GTF2IRD2B: variants seen among roughly 807,000 people sequenced by gnomAD.
GTF2IRD2B encodes the protein GTF2I repeat domain containing 2B.
Under a neutral mutation model 55.6 loss-of-function variants are expected in GTF2IRD2B, and 10 were observed. That is an observed-to-expected ratio of 0.18 (90% CI 0.11 to 0.31). The LOEUF is 0.31. GTF2IRD2B is among the 10% of genes least tolerant of loss of function. The pLI, the probability that GTF2IRD2B is intolerant of heterozygous loss-of-function variation, is 1.00. For synonymous variants in GTF2IRD2B, 107 were observed against 320.5 expected (o/e 0.33, Z 7.12); for missense variants, 206 against 802.7 (o/e 0.26, Z 8.98).
intron 1 of GTF2IRD2B, among the ~76,000 whole-genome samples, chr7:75,105,851 G>C (rs1193650503): frequency 6.6e-5 from 10 of 152,414 alleles, no homozygotes; most frequent in Non-Finnish European, 1.0e-4. Context: ...GTTATGCGTT[G>C]GCTGTGAGTC....
chr7:75,105,471 T>A (rs1272726375), intron 1 of GTF2IRD2B, among the ~76,000 whole-genome samples: 1 of 152,306 alleles, frequency 6.6e-6, no homozygotes, highest in African/African-American at 2.4e-5. Context: ...GCCACTGCAC[T>A]CTAGCCTGGG....
rs1159887977 is a variant in GTF2IRD2B, at chr7:75,132,548, CTTT to C, written c.671-564_671-562del. Among the ~76,000 whole-genome samples, 150 of 85,136 alleles carry C rather than the reference CTTT, an allele frequency of 1.8e-3. No individual in the cohort carries two copies. The East Asian group carries it at 0.018, about 10-fold the overall frequency. The allele number at this position is 85,136 out of a possible 152,430, so 55.9% of individuals were successfully genotyped here. A position where few individuals can be genotyped will look rare whatever the true frequency, so the allele number is the denominator to read the frequency against. ...TTCCTTCATCCTCCTCTCCTTCCTT[CTTT>C]TTTTTTTTTTTTTTTTTTTTTTGAG... On this transcript the variant is annotated intron_variant, in intron 8 of 15. Coordinates refer to ENST00000472837, the MANE Select transcript of GTF2IRD2B (RefSeq NM_001003795.3).
intron 2 of GTF2IRD2B, among the ~76,000 whole-genome samples, chr7:75,109,434 G>A: frequency 7.2e-6 from 1 of 139,812 alleles, no homozygotes; most frequent in African/African-American, 2.5e-5. Context: ...CGCCTCCCGG[G>A]TTCAAGCAAT....
At chr7:75,102,584 A>G (rs1337352592) in intron 1 of GTF2IRD2B, among the ~76,000 whole-genome samples, 2 of 151,458 alleles carry the variant, frequency 1.3e-5, no homozygotes, top group African/African-American at 2.4e-5. Flanking sequence ...GCTTGAGTCC[A>G]GGAGTTGGAG....
At chr7:75,104,399 G>A (rs1554421489) in intron 1 of GTF2IRD2B, among the ~76,000 whole-genome samples, 12 of 152,258 alleles carry the variant, frequency 7.9e-5, no homozygotes, top group East Asian at 3.9e-4. Flanking sequence ...GATTATAGGC[G>A]TGAGCCACCA....
intron 15 of GTF2IRD2B, among the ~76,000 whole-genome samples, chr7:75,147,374 A>C (rs1809177810): frequency 1.3e-5 from 2 of 151,872 alleles, no homozygotes; most frequent in Non-Finnish European, 2.9e-5. Flanking sequence ...CAGAAGTTGC[A>C]GTGAGCCGAG....
intron 1 of GTF2IRD2B, among the ~76,000 whole-genome samples, chr7:75,093,540 C>T (rs1320293040): frequency 6.6e-6 from 1 of 152,268 alleles, no homozygotes; most frequent in East Asian, 1.9e-4. Context: ...ACCCCAACCC[C>T]ATTAGGCCGT....
At chr7:75,101,222 A>C (rs1402905063) in intron 1 of GTF2IRD2B, among the ~76,000 whole-genome samples, 1 of 140,834 alleles carries the variant, frequency 7.1e-6, no homozygotes, top group African/African-American at 2.6e-5. Context: ...AAATATGATA[A>C]AAACTGTTTT....
In GTF2IRD2B at chr7:75,119,820, G is replaced by A. The variant is rs1197840052; in HGVS notation, c.239-1071G>A. Among the ~76,000 whole-genome samples the A allele has an allele frequency of 5.5e-4, 53 of 96,418 alleles. 8 individuals are homozygous for A. The highest frequency in any genetic ancestry group is 1.4e-3 in the African/African-American group (28 of 20,236). The allele number at this position is 96,418 out of a possible 152,430, so 63.3% of individuals were successfully genotyped here. On this transcript the variant is annotated intron_variant, in intron 3 of 15. Transcript: ENST00000472837. ...AACCCCAGACTTCACCAACAACACC[G>A]TATATCCATGCAAGAAAACTATACT...
At chr7:75,123,092 A>G (rs1402072536) in intron 4 of GTF2IRD2B, 44 bp from the exon 5 acceptor site, 2 of 1,557,718 alleles carry the variant, frequency 1.3e-6, no homozygotes, top group East Asian at 4.5e-5. Flanking sequence ...AACTGGTAGA[A>G]CGTTAGGTTC....
chr7:75,119,979 C>A (rs1554536738), intron 3 of GTF2IRD2B, among the ~76,000 whole-genome samples: 1,561 of 128,532 alleles, frequency 0.012, 49 homozygotes, highest in African/African-American at 0.055. Flanking sequence ...AATACAAAAA[C>A]TTAGCCGGGC....
intron 3 of GTF2IRD2B, among the ~76,000 whole-genome samples, chr7:75,115,774 A>T (rs199590945): frequency 1.5e-5 from 2 of 132,802 alleles, no homozygotes; most frequent in African/African-American, 5.7e-5. Context: ...TGTACGAGAA[A>T]TGCCCTTGAG....
intron 3 of GTF2IRD2B, among the ~76,000 whole-genome samples, chr7:75,115,186 C>G (rs1335883397): frequency 4.5e-5 from 6 of 134,752 alleles, no homozygotes; most frequent in Admixed American, 4.2e-4. Context: ...ATCCTCCTGT[C>G]TTGGCCTCCC....
intron 1 of GTF2IRD2B, among the ~76,000 whole-genome samples, chr7:75,093,056 C>T (rs1419417583): frequency 6.6e-6 from 1 of 152,304 alleles, no homozygotes; most frequent in Admixed American, 6.5e-5. Flanking sequence ...CGGGGGTGTG[C>T]GTGATGCCAC....
chr7:75,123,913 A>C, intron 6 of GTF2IRD2B: 1 of 336,360 alleles, frequency 3.0e-6, no homozygotes, highest in South Asian at 2.4e-5. Flanking sequence ...GGGTGAGGGG[A>C]GGGAACTTAG....
At chr7:75,107,338 G>C (rs1807839111) in intron 1 of GTF2IRD2B, among the ~76,000 whole-genome samples, 1 of 152,046 alleles carries the variant, frequency 6.6e-6, no homozygotes. Context: ...CACTTTGGGA[G>C]GCTGAGGTGG....
chr7:75,147,522 T>C (rs1235395952), intron 15 of GTF2IRD2B, among the ~76,000 whole-genome samples, 172 bp from the exon 16 acceptor site: 1 of 152,006 alleles, frequency 6.6e-6, no homozygotes, highest in Non-Finnish European at 1.5e-5. Flanking sequence ...AGCGGTTTGC[T>C]GGAGTTGAGG....
At chr7:75,142,431 CA>C (rs1160567133) in intron 13 of GTF2IRD2B, 50 bp from the exon 14 acceptor site, 2 of 123,340 alleles carry the variant, frequency 1.6e-5, no homozygotes, top group African/African-American at 1.4e-4. Context: ...AGGTGTGAGC[CA>C]CCGTGCCCAG....
intron 15 of GTF2IRD2B, chr7:75,146,961 A>C (rs1403221250): frequency 2.6e-5 from 4 of 156,588 alleles, no homozygotes; most frequent in Admixed American, 1.9e-4. Flanking sequence ...AAAGAAAAAA[A>C]GAAAAGAAAG....
Sources: gnomAD v4.1 joint callset for allele counts (sites outside exome capture counted in the v4.1 genomes callset) on GRCh38, gnomAD v4.1.1 for gene constraint, MANE v1.5 for transcripts, NCBI Gene and HGNC (gene_info 2026-07-23, HGNC 2026-07-21) for gene names.